Variants in CDK8 observed in about 807,000 individuals in gnomAD.
CDK8 encodes cyclin dependent kinase 8, also known as cyclin-dependent kinase 8.
CDK8 carries 29 observed loss-of-function variants against 71.5 expected under a neutral mutation model. The ratio of observed to expected loss-of-function variants is 0.41; its 90% CI spans 0.30 to 0.55. The LOEUF (loss-of-function observed/expected upper bound fraction) is 0.55, where lower values mean the gene tolerates loss of function less well. Among genes scored for constraint, CDK8 ranks in the 20% least tolerant of loss-of-function variants. The probability of loss-of-function intolerance (pLI) is 0.37; values close to 1 mark genes in which losing one functional copy is unlikely to be tolerated. For missense variants in CDK8, 288 were observed against 572.6 expected (o/e 0.50, Z 5.07); for synonymous variants, 161 against 192.1 (o/e 0.84, Z 1.34).
chr13:26,382,672 C>A lies in CDK8; in HGVS notation c.457-142C>A, dbSNP rs1306347253. 1.6e-5 allele frequency: 9 copies of A among 551,654 alleles called. No individual in the cohort carries two copies. In the Admixed American group the frequency reaches 2.8e-4, roughly 17 times the overall value. 34.2% of individuals were successfully genotyped at this position (551,654 alleles called of 1,614,324 possible). A position where few individuals can be genotyped will look rare whatever the true frequency, so the allele number is the denominator to read the frequency against. ...CTTTGCATATATACATGCACAGTTT[C>A]TTTGGTGACTTCCTGTATTTGGTTT... On this transcript the variant is annotated intron_variant, in intron 4 of 12. Transcript: ENST00000381527.
intron 6 of CDK8, among the ~76,000 whole-genome samples, chr13:26,390,131 A>T (rs1481340178): frequency 6.6e-6 from 1 of 152,138 alleles, no homozygotes; most frequent in Admixed American, 6.6e-5. Flanking sequence ...ATACTCAACA[A>T]ATTTCTCACA....
intron 1 of CDK8, among the ~76,000 whole-genome samples, chr13:26,276,096 C>T (rs1306420809): frequency 2.0e-5 from 3 of 152,214 alleles, no homozygotes; most frequent in Admixed American, 6.5e-5. Flanking sequence ...CTCTTGACCT[C>T]GTGATCTGCC....
At chr13:26,391,562 A>T (rs187047574) in intron 6 of CDK8, among the ~76,000 whole-genome samples, 4 of 152,368 alleles carry the variant, frequency 2.6e-5, no homozygotes, top group Non-Finnish European at 5.9e-5. Flanking sequence ...ATGCAAAGCC[A>T]TCCATCATCC....
chr13:26,336,996 A>G (rs1481784645), intron 1 of CDK8, among the ~76,000 whole-genome samples: 4 of 150,028 alleles, frequency 2.7e-5, no homozygotes, highest in Non-Finnish European at 5.9e-5. Flanking sequence ...AAAACTCTCT[A>G]AAAGAAGGAA....
At chr13:26,262,350 C>G (rs1871806922) in intron 1 of CDK8, among the ~76,000 whole-genome samples, 1 of 152,168 alleles carries the variant, frequency 6.6e-6, no homozygotes, top group South Asian at 2.1e-4. Context: ...CAGCTCTTGG[C>G]ATATTGCCAA....
chr13:26,393,640 AT>A, intron 7 of CDK8, 130 bp downstream of exon 7: 1 of 906,066 alleles, frequency 1.1e-6, no homozygotes, highest in Non-Finnish European at 1.7e-6. Flanking sequence ...TTTGACTTGC[AT>A]TTATCAAAGA....
Position 26,339,756 on chromosome 13 carries a change from A to AAAAT in CDK8, c.204+2115_204+2116insAATA, listed in dbSNP as rs1555231154. Among the ~76,000 whole-genome samples, 447 of 142,984 alleles carry AAAAT rather than the reference A, an allele frequency of 3.1e-3. 2 individuals are homozygous for AAAAT. The highest frequency in any genetic ancestry group is 0.011 in the African/African-American group (420 of 39,208). 93.8% of individuals were successfully genotyped at this position (142,984 alleles called of 152,430 possible). A position where few individuals can be genotyped will look rare whatever the true frequency, so the allele number is the denominator to read the frequency against. ...TATTTATATAATTACTTAAAAAAAA[A>AAAAT]ATATATATATATATATAGTGTAGTA... On this transcript the variant is annotated intron_variant, in intron 2 of 12. Transcript: ENST00000381527.
At position 26,397,219 on chromosome 13, in the gene CDK8, C is replaced by T; in HGVS notation, c.927C>T (p.Phe309=). Residue 309 remains phenylalanine, a synonymous_variant, in exon 9 of 13, where the codon TTC becomes TTT. Coordinates refer to ENST00000381527, the MANE Select transcript of CDK8 (RefSeq NM_001260.3). The part of the protein sequence containing the change: ...KHKVKPDSKA[F]HLLQKLLTMD... ...AAGTTAAACCAGATAGTAAAGCATT[C>T]CACTTGGTAAGCATTGGTTAACAGT... 1 of 1,587,760 alleles carries T rather than the reference C, an allele frequency of 6.3e-7. No individual in the cohort carries two copies. The highest frequency in any genetic ancestry group is 8.6e-7 in the Non-Finnish European group (1 of 1,159,232).
chr13:26,365,021 G>A (rs1178255754), intron 4 of CDK8, among the ~76,000 whole-genome samples: 1 of 151,880 alleles, frequency 6.6e-6, no homozygotes, highest in Non-Finnish European at 1.5e-5. Context: ...GCTTTTTGAA[G>A]GAAAAATGCT....
At chr13:26,272,178 C>T (rs1872358645) in intron 1 of CDK8, among the ~76,000 whole-genome samples, 1 of 151,892 alleles carries the variant, frequency 6.6e-6, no homozygotes, top group East Asian at 1.9e-4. Context: ...TATCCTTATT[C>T]TGTAAGCTTT....
chr13:26,364,787 T>C (rs1260869796), intron 4 of CDK8, among the ~76,000 whole-genome samples: 1 of 152,186 alleles, frequency 6.6e-6, no homozygotes, highest in Non-Finnish European at 1.5e-5. Context: ...CTTTCTTTCT[T>C]TCTAAAAAGA....
rs1876430680 is a variant in CDK8, at chr13:26,404,704, A to T, written c.*623A>T. 4.4e-6 allele frequency: 1 copy of T among 228,152 alleles called. No individual in the cohort carries two copies. Among genetic ancestry groups the T allele is most frequent in the East Asian group, 6.3e-5 (1 of 15,770 alleles). 14.1% of individuals were successfully genotyped at this position (228,152 alleles called of 1,614,324 possible). On this transcript the variant is annotated 3_prime_UTR_variant, in exon 13 of 13. Coordinates refer to ENST00000381527, the MANE Select transcript of CDK8 (RefSeq NM_001260.3). ...CAGAAAGGTTTCAAAACTCCCAAAG[A>T]TTAACTTCCAACTTATAAGTTTGTT...
chr13:26,362,540 A>G (rs1238874102), intron 4 of CDK8, among the ~76,000 whole-genome samples: 2 of 152,170 alleles, frequency 1.3e-5, no homozygotes, highest in African/African-American at 4.8e-5. Flanking sequence ...GCAGGAGAAG[A>G]AAGGTATCCC....
intron 1 of CDK8, among the ~76,000 whole-genome samples, chr13:26,262,746 T>C (rs894490624): frequency 2.8e-4 from 43 of 152,272 alleles, no homozygotes; most frequent in African/African-American, 1.0e-3. Context: ...GTAATTAGTT[T>C]CTGAATCACA....
chr13:26,383,749 C>T (rs769652378), intron 5 of CDK8, among the ~76,000 whole-genome samples: 1 of 152,180 alleles, frequency 6.6e-6, no homozygotes, highest in Non-Finnish European at 1.5e-5. Context: ...TAAATCCCCC[C>T]AGATCTCACT....
intron 4 of CDK8, among the ~76,000 whole-genome samples, chr13:26,354,109 T>A (rs1485500234): frequency 2.0e-5 from 3 of 152,176 alleles, no homozygotes; most frequent in Admixed American, 6.5e-5. Flanking sequence ...ACATTTGTGT[T>A]CCTAAGCTTC....
intron 1 of CDK8, among the ~76,000 whole-genome samples, chr13:26,328,574 G>A (rs1164806198): frequency 1.3e-5 from 2 of 152,158 alleles, no homozygotes; most frequent in Admixed American, 1.3e-4. Context: ...CTTCTAGCTT[G>A]CAAAACTCAT....
chr13:26,401,277 C>T lies in CDK8; in HGVS notation c.1040C>T (p.Ala347Val), dbSNP rs867370429. 1 of 1,613,142 alleles carries T rather than the reference C, an allele frequency of 6.2e-7. No individual in the cohort carries two copies. The highest frequency in any genetic ancestry group is 2.2e-5 in the East Asian group (1 of 44,876). Residue 347 changes from alanine (A) to valine (V), a missense_variant, in exon 11 of 13, where the codon GCC (alanine) becomes GTC (valine). This residue lies in a region of CDK8 where 96 missense variants were observed against 229.8 expected (regional missense o/e 0.42). Coordinates refer to ENST00000381527, the MANE Select transcript of CDK8 (RefSeq NM_001260.3). The surrounding 1 kb of genome is among the most constrained non-coding windows in gnomAD (Gnocchi z 4.5). ...EDPLPTSDVF[A>V]GCQIPYPKRE... Reference sequence around the variant, plus strand: ...CTTTTTCTTATGATCAGCGTTTTTGCCGGTTGTCAAATCCCTTACCCAAAA... The same window carrying T: ...CTTTTTCTTATGATCAGCGTTTTTGTCGGTTGTCAAATCCCTTACCCAAAA...
chr13:26,373,470 A>T (rs1002757005), intron 4 of CDK8, among the ~76,000 whole-genome samples: 5 of 152,208 alleles, frequency 3.3e-5, no homozygotes, highest in Admixed American at 2.6e-4. Flanking sequence ...TCCTTTTGAT[A>T]TAACAATCTT....
Sources: allele counts gnomAD v4.1 joint callset (sites outside exome capture counted in the v4.1 genomes callset), GRCh38; gene constraint gnomAD v4.1.1; regional missense constraint gnomAD v4.1.1; non-coding constraint Gnocchi (gnomAD v3.1); transcripts MANE v1.5; gene names NCBI Gene and HGNC (gene_info 2026-07-23, HGNC 2026-07-21).